Variants in RIMS2 observed in about 807,000 individuals in gnomAD.
RIMS2 encodes the protein regulating synaptic membrane exocytosis protein 2.
RIMS2 carries 59 observed loss-of-function variants against 174.4 expected under a neutral mutation model. That is an observed-to-expected ratio of 0.34 (90% confidence interval 0.27 to 0.42). The LOEUF (loss-of-function observed/expected upper bound fraction) is 0.42. Among genes scored for constraint, RIMS2 ranks in the 10% least tolerant of loss-of-function variants. The probability of loss-of-function intolerance (pLI) is 1.00; values close to 1 mark genes in which losing one functional copy is unlikely to be tolerated. For synonymous variants in RIMS2, 606 were observed against 572.5 expected (o/e 1.06, Z -0.84); for missense variants, 1,620 against 1,666.3 (o/e 0.97, Z 0.48).
chr8:103,920,756 G>T (rs1402320551), intron 9 of RIMS2: 2 of 452,464 alleles, frequency 4.4e-6, no homozygotes, highest in Admixed American at 4.7e-5. Flanking sequence ...TTGGGAGGCC[G>T]AGGCGGGCGG....
At chr8:104,042,863 T>C (rs1017286543) in intron 19 of RIMS2, among the ~76,000 whole-genome samples, 11 of 151,662 alleles carry the variant, frequency 7.3e-5, no homozygotes, top group Admixed American at 1.3e-4. Context: ...TTGGAATTAA[T>C]GGAATTGTCA....
chr8:104,251,461 A>G (rs1162525648), intron 23 of RIMS2, 141 bp from the exon 30 acceptor site: 1 of 631,738 alleles, frequency 1.6e-6, no homozygotes, highest in Non-Finnish European at 2.8e-6. Flanking sequence ...GTTAAAGACA[A>G]CTATTCTATT....
intron 8 of RIMS2, 78 bp from the exon 12 acceptor site, chr8:103,918,363 T>C (rs1044955249): frequency 1.2e-6 from 1 of 836,194 alleles, no homozygotes; most frequent in Non-Finnish European, 1.9e-6. Context: ...TATTAATAGG[T>C]TGATAATAAT....
chr8:103,785,786 A>C (rs1402988596), intron 3 of RIMS2, among the ~76,000 whole-genome samples: 1 of 152,150 alleles, frequency 6.6e-6, no homozygotes, highest in Non-Finnish European at 1.5e-5. Flanking sequence ...TGCCCTCATA[A>C]AAAGAGTTAG....
intron 19 of RIMS2, among the ~76,000 whole-genome samples, chr8:104,116,291 A>T (rs2098277004): frequency 6.6e-6 from 1 of 152,214 alleles, no homozygotes; most frequent in Admixed American, 6.5e-5. Flanking sequence ...TAAATTGTGT[A>T]GAATACTATT....
At chr8:104,177,753 G>A (rs1325770120) in intron 19 of RIMS2, among the ~76,000 whole-genome samples, 4 of 152,064 alleles carry the variant, frequency 2.6e-5, no homozygotes, top group East Asian at 1.9e-4. Flanking sequence ...TATATTGTCC[G>A]ACTGTAGGCC....
At chr8:104,054,121 T>G (rs2096832220) in intron 19 of RIMS2, among the ~76,000 whole-genome samples, 1 of 152,166 alleles carries the variant, frequency 6.6e-6, no homozygotes, top group Non-Finnish European at 1.5e-5. Context: ...TTTCTCCTAG[T>G]CTGTCCTGAT....
rs560292130 is a variant in RIMS2 at position 104,100,251 on chromosome 8, A to G, written c.3334+85636A>G. ...AATTGTTTCATTACTTTCATTTTTA[A>G]TTGTTCATTGCTAGTGTATAGAAAT... On this transcript the variant is annotated intron_variant, in intron 19 of 23. Transcript: ENST00000504942. Among the ~76,000 whole-genome samples, 8 of 152,084 alleles carry G rather than the reference A, an allele frequency of 5.3e-5. No individual in the cohort carries two copies. The South Asian group carries it at 1.5e-3, about 28-fold the overall frequency.
At chr8:103,907,848 C>G (rs1344705303) in intron 4 of RIMS2, among the ~76,000 whole-genome samples, 1 of 147,946 alleles carries the variant, frequency 6.8e-6, no homozygotes, top group Non-Finnish European at 1.5e-5. Context: ...CGGGTTCACG[C>G]TATTCTCCTG....
chr8:103,910,007 TAGTGAGTGCTACAGACAA>T, intron 4 of RIMS2: 1 of 542,198 alleles, frequency 1.8e-6, no homozygotes, highest in Non-Finnish European at 3.3e-6. Flanking sequence ...TATATATATA[TAGTGAGTGCTACAGACAA>T]AGTTCTTGAG....
intron 1 of RIMS2, among the ~76,000 whole-genome samples, chr8:103,566,982 G>A (rs529169533): frequency 5.3e-4 from 80 of 152,230 alleles, no homozygotes; most frequent in Non-Finnish European, 1.0e-3. Context: ...GTACCCGTTA[G>A]CACTCAACTC....
At chr8:103,595,892 C>T (rs1439087517) in intron 1 of RIMS2, among the ~76,000 whole-genome samples, 2 of 151,836 alleles carry the variant, frequency 1.3e-5, no homozygotes, top group Non-Finnish European at 2.9e-5. Context: ...GAATAAACAG[C>T]GGGAGGTTTT....
At chr8:103,517,846 TC>T (rs1477292364) in intron 1 of RIMS2, among the ~76,000 whole-genome samples, 7 of 151,954 alleles carry the variant, frequency 4.6e-5, no homozygotes, top group African/African-American at 1.7e-4. Flanking sequence ...TCTTTTGGCT[TC>T]CCTAGGCCAC....
At chr8:103,656,790 G>A (rs564598424) in intron 1 of RIMS2, among the ~76,000 whole-genome samples, 7 of 152,230 alleles carry the variant, frequency 4.6e-5, no homozygotes, top group Admixed American at 3.9e-4. Context: ...GATTCTGTTA[G>A]GAAAACTTAA....
intron 19 of RIMS2, among the ~76,000 whole-genome samples, chr8:104,125,654 A>G (rs1467730492): frequency 1.3e-5 from 2 of 152,178 alleles, no homozygotes; most frequent in Non-Finnish European, 2.9e-5. Flanking sequence ...TTTAAAATTG[A>G]TATGTTAATG....
chr8:104,101,024 T>TATATGTTATATATTATATTATATATTAC (rs1339483792), intron 19 of RIMS2, among the ~76,000 whole-genome samples: 3 of 140,084 alleles, frequency 2.1e-5, no homozygotes, highest in Admixed American at 7.3e-5. Context: ...ACATATGTAA[T>TATATGTTATATATTATATTATATATTAC]ATATGTTATA....
At chr8:103,637,368 A>C (rs1157018584) in intron 1 of RIMS2, among the ~76,000 whole-genome samples, 1 of 152,118 alleles carries the variant, frequency 6.6e-6, no homozygotes, top group Non-Finnish European at 1.5e-5. Flanking sequence ...TCTTTTCTTG[A>C]ATTTACTTTT....
intron 1 of RIMS2, among the ~76,000 whole-genome samples, chr8:103,610,397 C>T (rs2095326761): frequency 6.6e-6 from 1 of 152,074 alleles, no homozygotes; most frequent in African/African-American, 2.4e-5. Flanking sequence ...GAGGGCATCC[C>T]TGTCTTATTC....
At chr8:103,982,602 A>C (rs1463638414) in intron 16 of RIMS2, among the ~76,000 whole-genome samples, 4 of 152,194 alleles carry the variant, frequency 2.6e-5, no homozygotes, top group Non-Finnish European at 1.5e-5. Context: ...CAACATATAC[A>C]AACCAATTAA....
Sources: gnomAD v4.1 joint callset for allele counts (sites outside exome capture counted in the v4.1 genomes callset) on GRCh38, gnomAD v4.1.1 for gene constraint, MANE v1.5 for transcripts, NCBI Gene and HGNC (gene_info 2026-07-23, HGNC 2026-07-21) for gene names.